The following DOCK3 variants were observed in gnomAD, a reference collection of about 807,000 sequenced individuals.
DOCK3 encodes the protein dedicator of cytokinesis 3.
In DOCK3, 60 loss-of-function variants were observed where a neutral mutation model predicts 265.6. That is an observed-to-expected ratio of 0.23 (90% CI 0.18 to 0.28). The LOEUF (loss-of-function observed/expected upper bound fraction) is 0.28. Among genes scored for constraint, DOCK3 ranks in the 10% least tolerant of loss-of-function variants. The probability of loss-of-function intolerance (pLI) is 1.00; values close to 1 mark genes in which losing one functional copy is unlikely to be tolerated. For missense variants in DOCK3, 1,981 were observed against 2,594.3 expected (o/e 0.76, Z 5.14); for synonymous variants, 881 against 938.0 (o/e 0.94, Z 1.11).
At chr3:51,098,149 C>T (rs1287105495) in intron 9 of DOCK3, among the ~76,000 whole-genome samples, 2 of 152,220 alleles carry the variant, frequency 1.3e-5, no homozygotes, top group African/African-American at 4.8e-5. Context: ...ATCCGCCTTC[C>T]GGTTTCAAGC....
At chr3:51,124,122 G>C (rs902060695) in intron 9 of DOCK3, among the ~76,000 whole-genome samples, 2 of 152,136 alleles carry the variant, frequency 1.3e-5, no homozygotes, top group African/African-American at 4.8e-5. Flanking sequence ...TGGCCCTCTG[G>C]ACATCCTTCC....
At position 51,085,084 on chromosome 3, in the gene DOCK3, G is replaced by T. The variant is rs1036025964; in HGVS notation, c.550-4159G>T. 5.3e-5 allele frequency among the ~76,000 whole-genome samples: 8 copies of T among 152,160 alleles called. No homozygotes were observed. In the South Asian group the frequency reaches 6.2e-4, roughly 12 times the overall value. On this transcript the variant is annotated intron_variant, in intron 7 of 52. Coordinates refer to ENST00000266037, the MANE Select transcript of DOCK3 (RefSeq NM_004947.5). ...ATCAAAAAACATAAAAATAGATAAG[G>T]TCATTATGTAATGATAAAGGGATCA...
chr3:51,201,967 A>G (rs2108020492), intron 12 of DOCK3, among the ~76,000 whole-genome samples: 1 of 152,334 alleles, frequency 6.6e-6, no homozygotes, highest in East Asian at 1.9e-4. Flanking sequence ...ATGTTCTTTG[A>G]AACCAATGAG....
At chr3:50,873,124 C>T (rs1396975160) in intron 3 of DOCK3, among the ~76,000 whole-genome samples, 2 of 152,192 alleles carry the variant, frequency 1.3e-5, no homozygotes, top group African/African-American at 4.8e-5. Flanking sequence ...GTAGCCAACA[C>T]AGCTGGAAAT....
intron 3 of DOCK3, among the ~76,000 whole-genome samples, chr3:50,868,552 T>A (rs1178682557): frequency 6.6e-6 from 1 of 152,056 alleles, no homozygotes; most frequent in East Asian, 1.9e-4. Flanking sequence ...TTTTGTATAT[T>A]TTGTAGAGTC....
At chr3:50,777,480 C>T (rs866611841) in intron 1 of DOCK3, among the ~76,000 whole-genome samples, 2 of 151,962 alleles carry the variant, frequency 1.3e-5, no homozygotes, top group South Asian at 2.1e-4. Flanking sequence ...GGAATTGCAT[C>T]GAATCTGTAG....
chr3:51,039,909 A>G (rs1246090469), intron 5 of DOCK3, among the ~76,000 whole-genome samples: 7 of 137,926 alleles, frequency 5.1e-5, no homozygotes, highest in African/African-American at 1.9e-4. Flanking sequence ...TTTTTTTAAC[A>G]TATAAGACCT....
intron 9 of DOCK3, among the ~76,000 whole-genome samples, chr3:51,118,053 G>A (rs2083822449): frequency 6.6e-6 from 1 of 152,092 alleles, no homozygotes; most frequent in Admixed American, 6.5e-5. Flanking sequence ...TGATGTTAGG[G>A]TGTCAGTTTT....
At chr3:51,000,937 G>A (rs1163813393) in intron 5 of DOCK3, among the ~76,000 whole-genome samples, 1 of 152,222 alleles carries the variant, frequency 6.6e-6, no homozygotes, top group Non-Finnish European at 1.5e-5. Flanking sequence ...ACAGGCGTGG[G>A]CCGCCACACC....
chr3:51,276,348 G>A (rs2080817976), intron 25 of DOCK3: 3 of 985,210 alleles, frequency 3.0e-6, no homozygotes, highest in South Asian at 4.7e-5. Context: ...TCTACTCATA[G>A]CCCAAGGTTG....
At chr3:51,008,396 A>G (rs1175308329) in intron 5 of DOCK3, among the ~76,000 whole-genome samples, 2 of 152,148 alleles carry the variant, frequency 1.3e-5, no homozygotes, top group Non-Finnish European at 2.9e-5. Flanking sequence ...AGCAATTGTG[A>G]ATGGGAGTTC....
intron 10 of DOCK3, among the ~76,000 whole-genome samples, chr3:51,151,289 T>C (rs1178539711): frequency 6.6e-6 from 1 of 152,186 alleles, no homozygotes; most frequent in Non-Finnish European, 1.5e-5. Flanking sequence ...TGTCTTTTAA[T>C]TGGGGCATTT....
At chr3:50,847,186 A>C (rs2046125278) in intron 3 of DOCK3, among the ~76,000 whole-genome samples, 1 of 151,752 alleles carries the variant, frequency 6.6e-6, no homozygotes, top group African/African-American at 2.4e-5. Context: ...GTTCTCATTT[A>C]TTTTAAAGAG....
intron 1 of DOCK3, among the ~76,000 whole-genome samples, chr3:50,677,327 A>G (rs1391173293): frequency 6.6e-6 from 1 of 152,028 alleles, no homozygotes; most frequent in Non-Finnish European, 1.5e-5. Flanking sequence ...CTCAGGACAC[A>G]TTTTTTTTCA....
intron 5 of DOCK3, among the ~76,000 whole-genome samples, chr3:50,989,746 T>A (rs1047987814): frequency 1.3e-5 from 2 of 152,198 alleles, no homozygotes; most frequent in Non-Finnish European, 2.9e-5. Context: ...GGCCAAAGTG[T>A]CATATGTCTT....
intron 2 of DOCK3, among the ~76,000 whole-genome samples, chr3:50,812,737 A>C (rs2043836631): frequency 6.6e-6 from 1 of 152,194 alleles, no homozygotes; most frequent in Non-Finnish European, 1.5e-5. Flanking sequence ...TACTGATTCC[A>C]GTGTTAATCT....
At chr3:51,079,288 TTAAA>T (rs1468917827) in intron 7 of DOCK3, among the ~76,000 whole-genome samples, 1 of 152,132 alleles carries the variant, frequency 6.6e-6, no homozygotes, top group Non-Finnish European at 1.5e-5. Context: ...AAAAGTCTCT[TTAAA>T]TACACAGTTG....
intron 27 of DOCK3, among the ~76,000 whole-genome samples, chr3:51,301,482 C>G (rs28890042): frequency 0.037 from 5,608 of 151,376 alleles, 392 homozygotes; most frequent in African/African-American, 0.13. Context: ...TTCTCTAGTT[C>G]TTTTAGTTGT....
chr3:51,194,578 G>C (rs144238821), intron 12 of DOCK3, among the ~76,000 whole-genome samples: 36 of 152,096 alleles, frequency 2.4e-4, no homozygotes, highest in Admixed American at 4.6e-4. Context: ...TATGAATCCA[G>C]GTGTTCCAAT....
Sources: gnomAD v4.1 joint callset for allele counts (sites outside exome capture counted in the v4.1 genomes callset) on GRCh38, gnomAD v4.1.1 for gene constraint, MANE v1.5 for transcripts, NCBI Gene and HGNC (gene_info 2026-07-23, HGNC 2026-07-21) for gene names.